Variants in PGM1 observed in about 807,000 individuals in gnomAD.
The protein encoded by PGM1 is phosphoglucomutase-1.
PGM1 carries 52 observed loss-of-function variants against 55.6 expected under a neutral mutation model. That is an observed-to-expected ratio of 0.94 (90% confidence interval 0.75 to 1.18). PGM1 has a LOEUF of 1.18. PGM1 is among the 50% of genes most tolerant of loss of function. The probability of loss-of-function intolerance (pLI) is 0.00; values close to 1 mark genes in which losing one functional copy is unlikely to be tolerated. For synonymous variants in PGM1, 287 were observed against 271.7 expected (o/e 1.06, Z -0.55); for missense variants, 724 against 729.3 (o/e 0.99, Z 0.08).
At chr1:63,635,624 T>A (rs559525921) in intron 5 of PGM1, among the ~76,000 whole-genome samples, 1 of 152,368 alleles carries the variant, frequency 6.6e-6, no homozygotes, top group East Asian at 1.9e-4. Flanking sequence ...TTTACTTAGT[T>A]GAAAATATAT....
chr1:63,622,792 T>C (rs982111072), intron 1 of PGM1, among the ~76,000 whole-genome samples: 9 of 152,230 alleles, frequency 5.9e-5, no homozygotes, highest in African/African-American at 2.2e-4. Flanking sequence ...TCCTGATAGA[T>C]TGCATGTGTG....
At chr1:63,614,544 G>A (rs553760026) in intron 1 of PGM1, among the ~76,000 whole-genome samples, 2 of 152,320 alleles carry the variant, frequency 1.3e-5, no homozygotes, top group Admixed American at 6.5e-5. Context: ...TCACCTGGCT[G>A]CATATTACAT....
intron 6 of PGM1, 63 bp from the exon 7 acceptor site, chr1:63,638,622 G>A (rs878892001): frequency 3.5e-5 from 37 of 1,042,852 alleles, no homozygotes; most frequent in Non-Finnish European, 4.9e-5. Flanking sequence ...GCCCTTTTCC[G>A]TCCCTCACAT....
Position 63,659,846 on chromosome 1 carries a change from T to G in PGM1, c.*171T>G, listed in dbSNP as rs1312908124. On this transcript the variant is annotated 3_prime_UTR_variant, in exon 11 of 11. Transcript: ENST00000371084. ...AAGGCACTGCCAAACAAGATGCCCT[T>G]GGGAGCTGTGAGGGAAAGAGGACCT... 1.5e-6 allele frequency: 1 copy of G among 671,432 alleles called. No homozygotes were observed. Among genetic ancestry groups the G allele is most frequent in the Non-Finnish European group, 2.7e-6 (1 of 365,222 alleles). The allele number at this position is 671,432 out of a possible 1,614,324, so 41.6% of individuals were successfully genotyped here. A position where few individuals can be genotyped will look rare whatever the true frequency, so the allele number is the denominator to read the frequency against.
At chr1:63,632,947 C>T (rs533571889) in intron 4 of PGM1, among the ~76,000 whole-genome samples, 45 of 152,222 alleles carry the variant, frequency 3.0e-4, no homozygotes, top group African/African-American at 8.2e-4. Context: ...AGCTTGAATC[C>T]GGAAGGCGGA....
chr1:63,594,180 C>T (rs1242601800), intron 1 of PGM1: 1 of 947,472 alleles, frequency 1.1e-6, no homozygotes, highest in Non-Finnish European at 1.3e-6. Context: ...AGCCCCCTCG[C>T]ATCCCGCCCG....
rs543672898 is a variant in PGM1 at position 63,594,185 on chromosome 1, C to G, written c.246+451C>G. On this transcript the variant is annotated intron_variant, in intron 1 of 10. Transcript: ENST00000371084. ...CCTCGCCCAGAGCCCCCTCGCATCC[C>G]GCCCGCTCCTCTGCTATTCTCGGCT... 4 of 932,654 alleles carry G rather than the reference C, an allele frequency of 4.3e-6. No homozygotes were observed. In the East Asian group the frequency reaches 4.6e-4, roughly 108 times the overall value. The allele number at this position is 932,654 out of a possible 1,614,324, so 57.8% of individuals were successfully genotyped here. A position where few individuals can be genotyped will look rare whatever the true frequency, so the allele number is the denominator to read the frequency against.
chr1:63,623,770 T>C (rs1648950006), intron 1 of PGM1: 2 of 1,584,586 alleles, frequency 1.3e-6, no homozygotes, highest in East Asian at 4.5e-5. Flanking sequence ...GGTGGGTATA[T>C]GATAAGTATT....
chr1:63,618,572 A>G (rs949254373), intron 1 of PGM1, among the ~76,000 whole-genome samples: 2 of 152,088 alleles, frequency 1.3e-5, no homozygotes. Flanking sequence ...TCATTTTATT[A>G]TTTGTATCCT....
intron 8 of PGM1, chr1:63,651,460 C>G: frequency 1.8e-6 from 1 of 567,714 alleles, no homozygotes. Flanking sequence ...AAGCTCATAA[C>G]CCTTCCCTGA....
At chr1:63,625,271 G>A (rs2269257) in intron 1 of PGM1, among the ~76,000 whole-genome samples, 80,688 of 152,028 alleles carry the variant, frequency 0.53, 23,017 homozygotes, top group East Asian at 0.84. Flanking sequence ...ATACATTTAA[G>A]TGATAATTGA....
In PGM1 at chr1:63,630,061, T is replaced by C; in HGVS notation, c.529T>C (p.Leu177=). Reference sequence around the variant, plus strand: ...TGTTCTGGGAAAGCAGCAGTTTGACTTGGAAAATAAGTTCAAACCCTTCAC... The same window carrying C: ...TGTTCTGGGAAAGCAGCAGTTTGACCTGGAAAATAAGTTCAAACCCTTCAC... ...LGVLGKQQFD[L]ENKFKPFTVE... Residue 177 remains leucine (L), a synonymous_variant, in exon 3 of 11, where the codon TTG becomes CTG. Coordinates refer to ENST00000371084, the MANE Select transcript of PGM1 (RefSeq NM_002633.3). 1.2e-6 allele frequency: 2 copies of C among 1,614,058 alleles called. No homozygotes were observed. The highest frequency in any genetic ancestry group is 8.5e-7 in the Non-Finnish European group (1 of 1,179,918).
intron 9 of PGM1, among the ~76,000 whole-genome samples, chr1:63,653,693 G>C (rs1649881715): frequency 6.6e-6 from 1 of 152,154 alleles, no homozygotes; most frequent in Non-Finnish European, 1.5e-5. Context: ...GATACCGCTG[G>C]GGAGGAAAAA....
chr1:63,623,754 C>A (rs1003725185), intron 1 of PGM1: 2 of 1,606,980 alleles, frequency 1.2e-6, no homozygotes, highest in Non-Finnish European at 1.7e-6. Context: ...TGGCAGCTGC[C>A]AATGGGGTGG....
At position 63,633,922 on chromosome 1, in the gene PGM1, ATATATATATATTTTTTTTTTTTT is replaced by A. The variant is rs1249355555; in HGVS notation, c.683-905_683-883del. 2.6e-3 allele frequency among the ~76,000 whole-genome samples: 150 copies of A among 57,024 alleles called. 6 individuals are homozygous for A. The highest frequency in any genetic ancestry group is 0.017 in the African/African-American group (124 of 7,310). 37.4% of individuals were successfully genotyped at this position (57,024 alleles called of 152,430 possible). On this transcript the variant is annotated intron_variant, in intron 4 of 10. Transcript: ENST00000371084. ...TGTGTGTGTGTGTGTGTGTGTGTAT[ATATATATATATTTTTTTTTTTTT>A]TTTTTTTTTTTTTTTTAGTAGAGAC...
At position 63,623,105 on chromosome 1, in the gene PGM1, A is replaced by T. The variant is rs186590536; in HGVS notation, c.247-6320A>T. On this transcript the variant is annotated intron_variant, in intron 1 of 10. Coordinates refer to ENST00000371084, the MANE Select transcript of PGM1 (RefSeq NM_002633.3). ...GTCAGCCACCTGGTGTTTACAGCTG[A>T]AGTTGGCTGCATGCAGCACTCCTTG... 47 of 523,716 alleles carry T rather than the reference A, an allele frequency of 9.0e-5. No homozygotes were observed. In the East Asian group the frequency reaches 3.4e-3, roughly 37 times the overall value. The allele number at this position is 523,716 out of a possible 1,614,324, so 32.4% of individuals were successfully genotyped here.
At chr1:63,627,564 C>T (rs549275435) in intron 1 of PGM1, among the ~76,000 whole-genome samples, 2 of 152,224 alleles carry the variant, frequency 1.3e-5, no homozygotes, top group Admixed American at 6.5e-5. Flanking sequence ...TGTACCTCTT[C>T]TTGGGCTCAA....
intron 1 of PGM1, among the ~76,000 whole-genome samples, chr1:63,606,978 C>CGA (rs1648437278): frequency 6.6e-6 from 1 of 152,204 alleles, no homozygotes; most frequent in Admixed American, 6.5e-5. Context: ...AGGTATGATT[C>CGA]ACATACTATA....
At chr1:63,595,200 T>C (rs1648024990) in intron 1 of PGM1, among the ~76,000 whole-genome samples, 1 of 152,186 alleles carries the variant, frequency 6.6e-6, no homozygotes, top group Admixed American at 6.5e-5. Context: ...CCAAGCACTA[T>C]GGTAAGCGCT....
Sources: allele counts gnomAD v4.1 joint callset (sites outside exome capture counted in the v4.1 genomes callset), GRCh38; gene constraint gnomAD v4.1.1; transcripts MANE v1.5; gene names NCBI Gene and HGNC (gene_info 2026-07-23, HGNC 2026-07-21).